Variants in SMAD2 observed in about 807,000 individuals in gnomAD.
The protein encoded by SMAD2 is SMAD family member 2.
In SMAD2, 8 loss-of-function variants were observed where a neutral mutation model predicts 64.4. That is an observed-to-expected ratio of 0.12 (90% CI 0.07 to 0.22). The LOEUF (loss-of-function observed/expected upper bound fraction) is 0.22, where lower values mean the gene tolerates loss of function less well. SMAD2 is among the 10% of genes least tolerant of loss of function. SMAD2 has a pLI of 1.00. For synonymous variants in SMAD2, 203 were observed against 195.8 expected, an observed-to-expected ratio of 1.04 and a Z score of -0.31; for missense variants, 289 against 561.2, an observed-to-expected ratio of 0.51 and a Z score of 4.90.
intron 1 of SMAD2, among the ~76,000 whole-genome samples, chr18:47,905,375 A>G (rs2033861938): frequency 6.6e-6 from 1 of 152,168 alleles, no homozygotes; most frequent in Non-Finnish European, 1.5e-5. Flanking sequence ...ATTCTTTCCA[A>G]TTTGATATAT....
intron 2 of SMAD2, among the ~76,000 whole-genome samples, chr18:47,884,594 G>C (rs2032785654): frequency 6.6e-6 from 1 of 152,158 alleles, no homozygotes. Flanking sequence ...AGATTTCACT[G>C]TAAGAGACAT....
chr18:47,885,172 CACACACACACATAT>C lies in SMAD2; in HGVS notation c.236+11335_236+11348del, dbSNP rs1293702526. 5.1e-5 allele frequency among the ~76,000 whole-genome samples: 6 copies of C among 117,202 alleles called. No individual in the cohort carries two copies. The East Asian group carries it at 1.2e-3, about 24-fold the overall frequency. 76.9% of individuals were successfully genotyped at this position (117,202 alleles called of 152,430 possible). A position where few individuals can be genotyped will look rare whatever the true frequency, so the allele number is the denominator to read the frequency against. On this transcript the variant is annotated intron_variant, in intron 2 of 10. Coordinates refer to ENST00000262160, the MANE Select transcript of SMAD2 (RefSeq NM_005901.6). ...ACACACACACACACACACACACACA[CACACACACACATAT>C]ACCCTCCCCCCCCAAGACAGTCTCT...
In SMAD2 at chr18:47,810,698, G is replaced by A. The variant is rs1320016348; in HGVS notation, c.*31129C>T. ...GCCTGTAATCCCAACACGTTGGGAG[G>A]CTGAGGTGGGAGGATCACTTGGGCC... is the stretch of plus-strand genomic sequence containing the variant. On this transcript the variant is annotated 3_prime_UTR_variant, in exon 11 of 11. Coordinates refer to ENST00000262160, the MANE Select transcript of SMAD2 (RefSeq NM_005901.6). The A allele has an allele frequency of 6.6e-6, 1 of 152,184 alleles. No homozygotes were observed. Among genetic ancestry groups the A allele is most frequent in the Non-Finnish European group, 1.5e-5 (1 of 68,048 alleles). The allele number at this position is 152,184 out of a possible 1,614,324, so 9.4% of individuals were successfully genotyped here.
intron 1 of SMAD2, among the ~76,000 whole-genome samples, chr18:47,929,931 A>C (rs944198364): frequency 1.3e-5 from 2 of 152,122 alleles, no homozygotes; most frequent in Admixed American, 6.5e-5. Flanking sequence ...CGTGTTTGTG[A>C]GTACACACAA....
intron 7 of SMAD2, among the ~76,000 whole-genome samples, chr18:47,850,311 G>T (rs8089361): frequency 6.0e-4 from 8 of 13,300 alleles, no homozygotes; most frequent in African/African-American, 9.8e-4. Flanking sequence ...TATTATGTAT[G>T]TTATATACAT....
intron 2 of SMAD2, among the ~76,000 whole-genome samples, chr18:47,887,886 C>G (rs982700397): frequency 2.0e-5 from 3 of 152,144 alleles, no homozygotes; most frequent in Admixed American, 1.3e-4. Flanking sequence ...ACTACTCTCG[C>G]CAAAAATCTT....
At chr18:47,927,101 A>G (rs563079338) in intron 1 of SMAD2, among the ~76,000 whole-genome samples, 2 of 152,302 alleles carry the variant, frequency 1.3e-5, no homozygotes, top group African/African-American at 4.8e-5. Context: ...CCTTTCACTG[A>G]GTTATTCAAC....
chr18:47,864,915 T>TAGATCA (rs2031449806), intron 6 of SMAD2, 144 bp downstream of exon 6: 11 of 651,512 alleles, frequency 1.7e-5, no homozygotes, highest in Non-Finnish European at 3.0e-5. Context: ...GTAGTTCAGA[T>TAGATCA]ATGTTAAATC....
intron 2 of SMAD2, among the ~76,000 whole-genome samples, chr18:47,888,695 G>A (rs542678475): frequency 6.6e-6 from 1 of 152,130 alleles, no homozygotes; most frequent in South Asian, 2.1e-4. Flanking sequence ...ACCTGGTAAA[G>A]GTAGGAAAGG....
chr18:47,873,225 T>C (rs1372690161), intron 2 of SMAD2, among the ~76,000 whole-genome samples: 1 of 152,028 alleles, frequency 6.6e-6, no homozygotes, highest in Admixed American at 6.6e-5. Flanking sequence ...CCTTAGATAG[T>C]GAGAGTTGTA....
At chr18:47,850,320 ATAT>A (rs1475695216) in intron 7 of SMAD2, among the ~76,000 whole-genome samples, 1 of 39,586 alleles carries the variant, frequency 2.5e-5, no homozygotes, top group Non-Finnish European at 4.1e-5. Context: ...TGTTATATAC[ATAT>A]TATGTATAAT....
At chr18:47,890,525 G>A (rs781165702) in intron 2 of SMAD2, among the ~76,000 whole-genome samples, 2 of 152,132 alleles carry the variant, frequency 1.3e-5, no homozygotes, top group African/African-American at 2.4e-5. Context: ...TAGCTATAAT[G>A]TTTTATAGCT....
chr18:47,861,444 G>A (rs75508272), intron 6 of SMAD2, among the ~76,000 whole-genome samples: 3,765 of 152,186 alleles, frequency 0.025, 66 homozygotes, highest in Non-Finnish European at 0.039. Flanking sequence ...AAGAATGCAG[G>A]AGAAAAGAAT....
At position 47,857,456 on chromosome 18, in the gene SMAD2, A is replaced by G. The variant is rs2030808200; in HGVS notation, c.731-6129T>C. 1.3e-5 allele frequency among the ~76,000 whole-genome samples: 2 copies of G among 152,242 alleles called. 1 individual carries two copies. The highest frequency in any genetic ancestry group is 4.1e-4 in the South Asian group (2 of 4,834). On this transcript the variant is annotated intron_variant, in intron 6 of 10. Coordinates refer to ENST00000262160, the MANE Select transcript of SMAD2 (RefSeq NM_005901.6). ...AAAAGGCTGCTTTTGTTTTTATTAG[A>G]AACTCCTACAGAGTTCCCCTTATAG...
At chr18:47,850,055 ATTG>A (rs1326225852) in intron 7 of SMAD2, among the ~76,000 whole-genome samples, 1 of 147,648 alleles carries the variant, frequency 6.8e-6, no homozygotes, top group African/African-American at 2.5e-5. Context: ...TTACTGTCGT[ATTG>A]TTATTTTCAT....
intron 1 of SMAD2, among the ~76,000 whole-genome samples, chr18:47,929,730 A>C (rs1216303064): frequency 6.6e-6 from 1 of 152,354 alleles, no homozygotes; most frequent in East Asian, 1.9e-4. Context: ...TAAAAGACAA[A>C]AGTACCTGAC....
At position 47,828,227 on chromosome 18, in the gene SMAD2, G is replaced by GT. The variant is rs1912839722; in HGVS notation, c.*13599dup. ...AGCAGCCGCCCCGTCTGGGAGGGAGGTGGGGGGCAGCCCCTGCTCGGCCAG... is the reference window on the plus strand; with the variant it reads ...AGCAGCCGCCCCGTCTGGGAGGGAGGTTGGGGGGCAGCCCCTGCTCGGCCAG... On this transcript the variant is annotated 3_prime_UTR_variant, in exon 11 of 11. Transcript: ENST00000262160. The GT allele has an allele frequency of 6.4e-6, 1 of 155,472 alleles. No homozygotes were observed. The highest frequency in any genetic ancestry group is 2.0e-4 in the South Asian group (1 of 5,080). 9.6% of individuals were successfully genotyped at this position (155,472 alleles called of 1,614,324 possible).
chr18:47,870,852 T>G (rs2031889353), intron 2 of SMAD2, among the ~76,000 whole-genome samples: 1 of 152,166 alleles, frequency 6.6e-6, no homozygotes, highest in Non-Finnish European at 1.5e-5. Context: ...CTTACCACTT[T>G]CCTGTATTCA....
rs1250497158 is a variant in SMAD2 at position 47,815,215 on chromosome 18, G to T, written c.*26612C>A. 1 of 152,228 alleles carries T rather than the reference G, an allele frequency of 6.6e-6. No individual in the cohort carries two copies. Among genetic ancestry groups the T allele is most frequent in the Non-Finnish European group, 1.5e-5 (1 of 68,042 alleles). 9.4% of individuals were successfully genotyped at this position (152,228 alleles called of 1,614,324 possible). A position where few individuals can be genotyped will look rare whatever the true frequency, so the allele number is the denominator to read the frequency against. ...CTGAGATAGGCTATTTGAATCGAAA[G>T]AGAACGTTATCTTTGATTGGCAAGT... On this transcript the variant is annotated 3_prime_UTR_variant, in exon 11 of 11. Coordinates refer to ENST00000262160, the MANE Select transcript of SMAD2 (RefSeq NM_005901.6).
Sources: gnomAD v4.1 joint callset for allele counts (sites outside exome capture counted in the v4.1 genomes callset) on GRCh38, gnomAD v4.1.1 for gene constraint, MANE v1.5 for transcripts, NCBI Gene and HGNC (gene_info 2026-07-23, HGNC 2026-07-21) for gene names.